The following JADE1 variants were observed in gnomAD, a reference collection of about 807,000 sequenced individuals.
JADE1 encodes the protein protein Jade-1.
In JADE1, 14 loss-of-function variants were observed where a neutral mutation model predicts 81.8. That is an observed-to-expected ratio of 0.17 (90% CI 0.11 to 0.27). The LOEUF is 0.27. JADE1 is among the 10% of genes least tolerant of loss of function. The pLI, the probability that JADE1 is intolerant of heterozygous loss-of-function variation, is 1.00. For missense variants in JADE1, 690 were observed against 1,047.9 expected (o/e 0.66, Z 4.71); for synonymous variants, 353 against 391.9 (o/e 0.90, Z 1.17).
chr4:128,845,399 T>G (rs1729782811), intron 3 of JADE1, among the ~76,000 whole-genome samples: 1 of 152,158 alleles, frequency 6.6e-6, no homozygotes, highest in South Asian at 2.1e-4. Flanking sequence ...GGTAGTGACT[T>G]TCTCTATTTC....
chr4:128,814,035 C>T (rs1356162213), intron 1 of JADE1, among the ~76,000 whole-genome samples: 1 of 149,572 alleles, frequency 6.7e-6, no homozygotes, highest in Non-Finnish European at 1.5e-5. Context: ...GATATGTGTT[C>T]ATTTAAAAGA....
chr4:128,866,567 C>CT (rs1407968410), intron 9 of JADE1, among the ~76,000 whole-genome samples: 2 of 152,218 alleles, frequency 1.3e-5, no homozygotes, highest in African/African-American at 4.8e-5. Flanking sequence ...CTTCACAAGG[C>CT]TTGTTGATGC....
At position 128,855,745 on chromosome 4, in the gene JADE1, C is replaced by A; in HGVS notation, c.812C>A (p.Thr271Asn). 6.2e-7 allele frequency: 1 copy of A among 1,614,094 alleles called. No individual in the cohort carries two copies. Among genetic ancestry groups the A allele is most frequent in the Non-Finnish European group, 8.5e-7 (1 of 1,179,966 alleles). ...AAGAAGGGTGGAGCTATGAAGCCCA[C>A]CCGTAGCGGAACCAAGTGGGTCCAC... ...CPKKGGAMKP[T>N]RSGTKWVHVS... Residue 271 changes from threonine (T) to asparagine (N), a missense_variant, in exon 7 of 11, where the codon ACC (threonine) becomes AAC (asparagine). This residue lies in a region of JADE1 where 84 missense variants were observed against 226.6 expected (regional missense o/e 0.37). Coordinates refer to ENST00000226319, the MANE Select transcript of JADE1 (RefSeq NM_199320.4).
intron 1 of JADE1, among the ~76,000 whole-genome samples, chr4:128,827,644 A>G (rs1054440808): frequency 1.3e-5 from 2 of 152,180 alleles, no homozygotes; most frequent in African/African-American, 2.4e-5. Context: ...AGAGATCTGC[A>G]TATAGTATTT....
intron 3 of JADE1, among the ~76,000 whole-genome samples, chr4:128,844,575 AAT>A (rs1382166410): frequency 6.6e-6 from 1 of 151,742 alleles, no homozygotes; most frequent in Non-Finnish European, 1.5e-5. Flanking sequence ...AGTTAGTTGG[AAT>A]ATGTTTTTAC....
At chr4:128,832,436 G>A (rs1728634350) in intron 2 of JADE1, among the ~76,000 whole-genome samples, 1 of 152,188 alleles carries the variant, frequency 6.6e-6, no homozygotes, top group Non-Finnish European at 1.5e-5. Flanking sequence ...TCAGAGAAGA[G>A]CTCCCCTCAG....
intron 8 of JADE1, among the ~76,000 whole-genome samples, chr4:128,858,044 GCATCATTTGGATGTCTGATT>G (rs1730943616): frequency 6.6e-6 from 1 of 152,138 alleles, no homozygotes; most frequent in Admixed American, 6.5e-5. Flanking sequence ...TCTCATTGGG[GCATCATTTGGATGTCTGATT>G]CTTTATGGCA....
chr4:128,862,513 C>T lies in JADE1; in HGVS notation c.1503+288C>T, dbSNP rs547138621. On this transcript the variant is annotated intron_variant, in intron 9 of 10. Coordinates refer to ENST00000226319, the MANE Select transcript of JADE1 (RefSeq NM_199320.4). ...GATCAAATGGGGTGTGTCTTCCCCA[C>T]CCCCATTCCTTCATTCTAGAGCTAG... is the stretch of plus-strand genomic sequence containing the variant. 11 of 1,263,106 alleles carry T rather than the reference C, an allele frequency of 8.7e-6. No homozygotes were observed. In the East Asian group the frequency reaches 3.9e-4, roughly 45 times the overall value. 78.2% of individuals were successfully genotyped at this position (1,263,106 alleles called of 1,614,324 possible).
chr4:128,850,969 G>A (rs1437132573), intron 5 of JADE1, among the ~76,000 whole-genome samples: 1 of 152,026 alleles, frequency 6.6e-6, no homozygotes, highest in Non-Finnish European at 1.5e-5. Context: ...CTCGCTCTGT[G>A]GCCCATGCTG....
At position 128,846,579 on chromosome 4, in the gene JADE1, T is replaced by TC; in HGVS notation, c.296+48dup. ...AAGCCTCTCCACCCACCCTTGCTCTTCTTCCCTGACAGCAGGCATCTGAGA... is the reference window on the plus strand; with the variant it reads ...AAGCCTCTCCACCCACCCTTGCTCTTCCTTCCCTGACAGCAGGCATCTGAGA... On this transcript the variant is annotated intron_variant, in intron 4 of 10. Transcript: ENST00000226319. The surrounding 1 kb of genome is among the most constrained non-coding windows in gnomAD (Gnocchi z 4.0). 1.9e-6 allele frequency: 3 copies of TC among 1,597,594 alleles called. No homozygotes were observed. The highest frequency in any genetic ancestry group is 1.7e-6 in the Non-Finnish European group (2 of 1,169,162).
At chr4:128,832,680 A>G (rs941850994) in intron 2 of JADE1, among the ~76,000 whole-genome samples, 1 of 152,260 alleles carries the variant, frequency 6.6e-6, no homozygotes, top group South Asian at 2.1e-4. Context: ...AGATACAGAT[A>G]CAGATTCAGA....
intron 3 of JADE1, among the ~76,000 whole-genome samples, chr4:128,845,145 G>A (rs1729759598): frequency 1.3e-5 from 2 of 152,216 alleles, no homozygotes; most frequent in Admixed American, 1.3e-4. Flanking sequence ...GTGGGCCAAG[G>A]ACGAGGCTTG....
At chr4:128,867,066 T>A (rs1168604972) in intron 9 of JADE1, among the ~76,000 whole-genome samples, 1 of 152,172 alleles carries the variant, frequency 6.6e-6, no homozygotes, top group East Asian at 1.9e-4. Context: ...ACACATCAGA[T>A]AGGAAGTAGA....
Position 128,818,421 on chromosome 4 carries a change from A to C in JADE1, c.-27+8544A>C, listed in dbSNP as rs190711973. On this transcript the variant is annotated intron_variant, in intron 1 of 10. Transcript: ENST00000226319. Reference sequence around the variant, plus strand: ...GAAACGTGAGCCACCATGGCCGGCCATAGTTAGGGACTTCCTAAGGAGTGA... The same window carrying C: ...GAAACGTGAGCCACCATGGCCGGCCCTAGTTAGGGACTTCCTAAGGAGTGA... Among the ~76,000 whole-genome samples the C allele has an allele frequency of 5.3e-4, 81 of 152,282 alleles. 1 individual carries two copies. The highest frequency in any genetic ancestry group is 6.6e-4 in the Non-Finnish European group (45 of 68,016).
chr4:128,866,627 T>G (rs918801846), intron 9 of JADE1, among the ~76,000 whole-genome samples: 1 of 152,236 alleles, frequency 6.6e-6, no homozygotes, highest in East Asian at 1.9e-4. Context: ...CTTTGGACTT[T>G]TTCCACTTAA....
In JADE1 at chr4:128,874,767, A is replaced by G. The variant is rs1213106036; in HGVS notation, c.*2505A>G. ...GCTTTATCTTTCCTTGTGCATCCTG[A>G]CCAAGAAATATCTTTGATTATGATT... is the stretch of plus-strand genomic sequence containing the variant. On this transcript the variant is annotated 3_prime_UTR_variant, in exon 11 of 11. Coordinates refer to ENST00000226319, the MANE Select transcript of JADE1 (RefSeq NM_199320.4). 2.6e-5 allele frequency: 4 copies of G among 152,592 alleles called. No individual in the cohort carries two copies. The East Asian group carries it at 7.7e-4, about 29-fold the overall frequency. The allele number at this position is 152,592 out of a possible 1,614,324, so 9.5% of individuals were successfully genotyped here.
rs760419687 is a variant in JADE1 at position 128,872,293 on chromosome 4, G to T, written c.*31G>T. ...CAGAGATGATGCGGAAGCCCTTTGG[G>T]CTCGTCATTGGGTTTGCTAGAGGAG... is the stretch of plus-strand genomic sequence containing the variant. On this transcript the variant is annotated 3_prime_UTR_variant, in exon 11 of 11. Coordinates refer to ENST00000226319, the MANE Select transcript of JADE1 (RefSeq NM_199320.4). The T allele has an allele frequency of 6.3e-7, 1 of 1,593,404 alleles. No individual in the cohort carries two copies. The highest frequency in any genetic ancestry group is 1.7e-5 in the Admixed American group (1 of 58,948).
Position 128,855,762 on chromosome 4 carries a change from T to G in JADE1, c.829T>G (p.Trp277Gly), listed in dbSNP as rs1162101122. ...GAAGCCCACCCGTAGCGGAACCAAG[T>G]GGGTCCACGTTAGCTGTGCTCTGTG... ...AMKPTRSGTK[W>G]VHVSCALWIP... is the part of the protein sequence containing the mutation. Residue 277 changes from tryptophan (W) to glycine (G), a missense_variant, in exon 7 of 11, where the codon TGG (tryptophan) becomes GGG (glycine). Physicochemically the swap from Trp to Gly is radical, Grantham distance 184 (BLOSUM62 -2). Around this residue, in one of 8 missense-constraint regions of JADE1, gnomAD observed 84 missense variants for 226.6 expected, o/e 0.37. Coordinates refer to ENST00000226319, the MANE Select transcript of JADE1 (RefSeq NM_199320.4). 1 of 1,613,964 alleles carries G rather than the reference T, an allele frequency of 6.2e-7. No individual in the cohort carries two copies. The highest frequency in any genetic ancestry group is 8.5e-7 in the Non-Finnish European group (1 of 1,179,888).
At chr4:128,862,511 C>T (rs1731424344) in intron 9 of JADE1, 2 of 1,269,744 alleles carry the variant, frequency 1.6e-6, no homozygotes. Flanking sequence ...GTGTCTTCCC[C>T]ACCCCCATTC....
Sources: allele counts gnomAD v4.1 joint callset (sites outside exome capture counted in the v4.1 genomes callset), GRCh38; gene constraint gnomAD v4.1.1; regional missense constraint gnomAD v4.1.1; non-coding constraint Gnocchi (gnomAD v3.1); transcripts MANE v1.5; gene names NCBI Gene and HGNC (gene_info 2026-07-23, HGNC 2026-07-21).